Variants in LINGO1 observed in about 807,000 individuals in gnomAD.
LINGO1 encodes leucine-rich repeat and immunoglobulin-like domain-containing nogo receptor-interacting protein 1.
LINGO1 carries 11 observed loss-of-function variants against 37.3 expected under a neutral mutation model. The observed-to-expected ratio is 0.29, with a 90% confidence interval of 0.19 to 0.49. The LOEUF (loss-of-function observed/expected upper bound fraction) is 0.49. Ranked by LOEUF, LINGO1 falls within the 20% of genes least tolerant of loss-of-function variation. LINGO1 has a pLI of 0.99. For missense variants in LINGO1, 585 were observed against 878.2 expected (o/e 0.67, Z 4.22); for synonymous variants, 387 against 403.0 (o/e 0.96, Z 0.48).
upstream of LINGO1, among the ~76,000 whole-genome samples, chr15:77,697,663 G>A (rs1293150642): frequency 6.6e-6 from 1 of 152,222 alleles, no homozygotes; most frequent in African/African-American, 2.4e-5. Context: ...AGGGTGTGGG[G>A]TGGAGCACAG....
At chr15:77,624,725 C>T (rs1414250692) in intron 1 of LINGO1, among the ~76,000 whole-genome samples, 5 of 151,120 alleles carry the variant, frequency 3.3e-5, no homozygotes, top group Non-Finnish European at 4.4e-5. Context: ...TGTGTGATCT[C>T]GGGGGAATCC....
chr15:77,804,662 G>A (rs1360569336), intron 1 of LINGO1, among the ~76,000 whole-genome samples: 7 of 152,050 alleles, frequency 4.6e-5, no homozygotes, highest in Non-Finnish European at 7.4e-5. Context: ...GCCTGACCCC[G>A]GCTCCAGGCT....
chr15:77,614,188 G>C lies in LINGO1; in HGVS notation c.1719C>G (p.Leu573=). Reference sequence around the variant, plus strand: ...AGAGAAACAGCAGCACCAGGCAGAAGAGGACGACGCCCAGGAAAGAGATGA... The same window carrying C: ...AGAGAAACAGCAGCACCAGGCAGAACAGGACGACGCCCAGGAAAGAGATGA... ...MGFISFLGVV[L]FCLVLLFLWS... Residue 573 remains leucine, a synonymous_variant, in exon 2 of 2, where the codon CTC becomes CTG. Transcript: ENST00000355300. 1 of 1,614,028 alleles carries C rather than the reference G, an allele frequency of 6.2e-7. No homozygotes were observed. Among genetic ancestry groups the C allele is most frequent in the Non-Finnish European group, 8.5e-7 (1 of 1,179,890 alleles).
chr15:77,668,650 G>C (rs572087817), intron 3 of LINGO1, among the ~76,000 whole-genome samples: 2 of 152,204 alleles, frequency 1.3e-5, no homozygotes, highest in Non-Finnish European at 1.5e-5. Context: ...GTTCATGACA[G>C]TGTGCAGAGA....
At chr15:77,620,066 C>T (rs907400) in intron 1 of LINGO1, among the ~76,000 whole-genome samples, 1 of 152,168 alleles carries the variant, frequency 6.6e-6, no homozygotes, top group Non-Finnish European at 1.5e-5. Flanking sequence ...GTCACGTCTG[C>T]GGGGTCACCC....
rs112499127 is a variant in LINGO1 at position 77,632,403 on chromosome 15, CCCTCCTCCGTTTCCT to C, written c.-103_-89del. On this transcript the variant is annotated 5_prime_UTR_variant, in exon 1 of 2. Coordinates refer to ENST00000355300, the MANE Select transcript of LINGO1 (RefSeq NM_032808.7). This position sits in a 1 kb window ranked among gnomAD's most constrained non-coding sequence, Gnocchi z 6.0. ...ACCAGGCCCCAGCCCCTGCCCAGCC[CCCTCCTCCGTTTCCT>C]CCTCCTCCGACACCTCCGCCCGGCA... 1,460 of 1,267,602 alleles carry C rather than the reference CCCTCCTCCGTTTCCT, an allele frequency of 1.2e-3. 19 individuals are homozygous for C. The African/African-American group carries it at 0.021, about 18-fold the overall frequency. 78.5% of individuals were successfully genotyped at this position (1,267,602 alleles called of 1,614,324 possible).
intron 1 of LINGO1, among the ~76,000 whole-genome samples, chr15:77,772,178 C>T (rs1030465208): frequency 6.6e-6 from 1 of 152,230 alleles, no homozygotes; most frequent in Non-Finnish European, 1.5e-5. Context: ...CTCCACCTGG[C>T]TTATCTAACC....
chr15:77,632,196 G>A lies in LINGO1; in HGVS notation c.6+114C>T. 1 of 1,094,102 alleles carries A rather than the reference G, an allele frequency of 9.1e-7. No homozygotes were observed. Among genetic ancestry groups the A allele is most frequent in the Non-Finnish European group, 1.2e-6 (1 of 854,034 alleles). The allele number at this position is 1,094,102 out of a possible 1,614,324, so 67.8% of individuals were successfully genotyped here. A position where few individuals can be genotyped will look rare whatever the true frequency, so the allele number is the denominator to read the frequency against. The stretch of plus-strand genomic sequence containing the variant: ...CTATGACCCCAAAGGAGGTCTGGGT[G>A]GCACCGAGGTGCCCTGCAACCCCAG... On this transcript the variant is annotated intron_variant, in intron 1 of 1. Coordinates refer to ENST00000355300, the MANE Select transcript of LINGO1 (RefSeq NM_032808.7). The surrounding 1 kb of genome is among the most constrained non-coding windows in gnomAD (Gnocchi z 6.0).
intron 1 of LINGO1, among the ~76,000 whole-genome samples, chr15:77,742,762 G>A (rs1287564292): frequency 6.6e-6 from 1 of 152,262 alleles, no homozygotes; most frequent in Non-Finnish European, 1.5e-5. Flanking sequence ...TCCAGGGAGA[G>A]TGGGAGCACG....
rs189557456 is a variant in LINGO1, at chr15:77,737,130, A to C, written c.-256-2077T>G. On this transcript the variant is annotated intron_variant, in intron 1 of 3. Transcript: ENST00000561686. ...TTCTCTGGGTGCCTTCCAAAAGGGT[A>C]GATCAAAGGGTATCCACGTTTTACA... Among the ~76,000 whole-genome samples, 470 of 152,370 alleles carry C rather than the reference A, an allele frequency of 3.1e-3. 3 individuals are homozygous for C. Among genetic ancestry groups the C allele is most frequent in the Non-Finnish European group, 4.8e-3 (327 of 68,032 alleles).
intron 2 of LINGO1, among the ~76,000 whole-genome samples, chr15:77,714,959 C>A (rs954639837): frequency 1.3e-5 from 2 of 152,222 alleles, no homozygotes; most frequent in Non-Finnish European, 2.9e-5. Context: ...AAAATTATCA[C>A]CTAGTCGAGT....
Position 77,748,909 on chromosome 15 carries a change from CTTTTTTTTTT to C in LINGO1, c.-256-13866_-256-13857del, listed in dbSNP as rs67399483. Among the ~76,000 whole-genome samples, 12 of 87,756 alleles carry C rather than the reference CTTTTTTTTTT, an allele frequency of 1.4e-4. 1 individual carries two copies. Among genetic ancestry groups the C allele is most frequent in the Middle Eastern group, 6.4e-3 (1 of 156 alleles). 57.6% of individuals were successfully genotyped at this position (87,756 alleles called of 152,430 possible). On this transcript the variant is annotated intron_variant, in intron 1 of 3. Transcript: ENST00000561686. ...TTATTTATTTTCCTTCCTTCCTTCT[CTTTTTTTTTT>C]TTTTTTTTTTTGGAGTCTCGCTCTG... is the stretch of plus-strand genomic sequence containing the variant.
At chr15:77,776,508 GGAAGGC>G (rs1567577655) in intron 1 of LINGO1, among the ~76,000 whole-genome samples, 54 of 85,846 alleles carry the variant, frequency 6.3e-4, no homozygotes, top group African/African-American at 2.1e-3. Context: ...CAGGAAGGCA[GGAAGGC>G]AGGAAGGGAG....
chr15:77,774,794 A>C (rs1011640460), intron 1 of LINGO1, among the ~76,000 whole-genome samples: 4 of 149,704 alleles, frequency 2.7e-5, no homozygotes, highest in African/African-American at 1.0e-4. Flanking sequence ...TCATGAGGTC[A>C]TCAGTGGGTG....
At chr15:77,725,891 C>T (rs117104971) in intron 2 of LINGO1, among the ~76,000 whole-genome samples, 3 of 152,180 alleles carry the variant, frequency 2.0e-5, no homozygotes, top group Admixed American at 6.5e-5. Flanking sequence ...GTACATAGAG[C>T]GGCCGCCCCA....
chr15:77,716,836 C>T lies in LINGO1; in HGVS notation c.-195+18156G>A, dbSNP rs1417983431. ...TTCGAGGCTCAGAGAGGGTTGGACA[C>T]TCCCCTCAGCTCACACAGCAAGTCA... On this transcript the variant is annotated intron_variant, in intron 2 of 3. Transcript: ENST00000561686. Among the ~76,000 whole-genome samples, 3 of 150,420 alleles carry T rather than the reference C, an allele frequency of 2.0e-5. 1 individual carries two copies. Among genetic ancestry groups the T allele is most frequent in the African/African-American group, 7.3e-5 (3 of 41,332 alleles).
intron 1 of LINGO1, among the ~76,000 whole-genome samples, chr15:77,765,635 C>G (rs2076520513): frequency 6.6e-6 from 1 of 152,040 alleles, no homozygotes; most frequent in Non-Finnish European, 1.5e-5. Context: ...TGGGGAGGAT[C>G]AAACTGAGGG....
At chr15:77,734,164 C>A (rs2076180422) in intron 2 of LINGO1, among the ~76,000 whole-genome samples, 1 of 152,178 alleles carries the variant, frequency 6.6e-6, no homozygotes, top group African/African-American at 2.4e-5. Context: ...TTCAAATCCG[C>A]TAGTACTGCT....
At chr15:77,729,224 T>TCCA (rs2076131677) in intron 2 of LINGO1, among the ~76,000 whole-genome samples, 2 of 152,140 alleles carry the variant, frequency 1.3e-5, no homozygotes, top group African/African-American at 4.8e-5. Flanking sequence ...AGAGAGCACT[T>TCCA]GCAGAGTTGG....
Sources: allele counts gnomAD v4.1 joint callset (sites outside exome capture counted in the v4.1 genomes callset), GRCh38; gene constraint gnomAD v4.1.1; non-coding constraint Gnocchi (gnomAD v3.1); transcripts MANE v1.5; gene names NCBI Gene and HGNC (gene_info 2026-07-23, HGNC 2026-07-21).